PTPRO: variants seen among roughly 807,000 people sequenced by gnomAD.
The protein encoded by PTPRO is receptor-type tyrosine-protein phosphatase O.
A neutral mutation model predicts 145.2 loss-of-function variants in PTPRO; 62 were observed. That is an observed-to-expected ratio of 0.43 (90% CI 0.35 to 0.53). The LOEUF (loss-of-function observed/expected upper bound fraction) is 0.53, where lower values mean the gene tolerates loss of function less well. Ranked by LOEUF, PTPRO falls within the 20% of genes least tolerant of loss-of-function variation. PTPRO has a pLI of 0.01. For synonymous variants in PTPRO, 565 were observed against 514.7 expected (o/e 1.10, Z -1.32); for missense variants, 1,345 against 1,482.7 (o/e 0.91, Z 1.53).
chr12:15,402,009 A>C (rs941172703), intron 1 of PTPRO, among the ~76,000 whole-genome samples: 4 of 152,170 alleles, frequency 2.6e-5, no homozygotes, highest in African/African-American at 9.7e-5. Context: ...GGGATTTGGT[A>C]TTCGTTTAAC....
chr12:15,489,630 C>T (rs1370859380), intron 2 of PTPRO, among the ~76,000 whole-genome samples: 1 of 152,114 alleles, frequency 6.6e-6, no homozygotes, highest in Non-Finnish European at 1.5e-5. Flanking sequence ...AGAGGTCAGT[C>T]TCATAGCCAT....
intron 7 of PTPRO, 45 bp downstream of exon 7, chr12:15,508,812 C>T (rs772807443): frequency 1.9e-5 from 30 of 1,582,882 alleles, no homozygotes; most frequent in Non-Finnish European, 2.5e-5. Flanking sequence ...CCTTCCTAAG[C>T]ACAACCTTAC....
Position 15,484,239 on chromosome 12 carries a change from T to C in PTPRO, c.341T>C (p.Val114Ala). Reference sequence around the variant, plus strand: ...ACCAAGCCATCCAGATCAATCACTGTGTTAACAAGTAAGCATCATGTGTAA... The same window carrying C: ...ACCAAGCCATCCAGATCAATCACTGCGTTAACAAGTAAGCATCATGTGTAA... ...VVTKPSRSIT[V>A]LTKPLPVTSV... Residue 114 changes from valine to alanine, a missense_variant, in exon 2 of 27, where the codon GTG (valine) becomes GCG (alanine). By Grantham distance (64) the Val-to-Ala change is moderately conservative (BLOSUM62 0). Transcript: ENST00000281171. 6.2e-7 allele frequency: 1 copy of C among 1,613,426 alleles called. No homozygotes were observed. Among genetic ancestry groups the C allele is most frequent in the African/African-American group, 1.3e-5 (1 of 75,030 alleles).
intron 1 of PTPRO, among the ~76,000 whole-genome samples, chr12:15,336,835 C>G (rs932989130): frequency 2.6e-5 from 4 of 152,124 alleles, no homozygotes; most frequent in African/African-American, 9.7e-5. Flanking sequence ...CCTCTTTGAT[C>G]CACATAGTCT....
At chr12:15,340,514 C>T (rs1866941471) in intron 1 of PTPRO, among the ~76,000 whole-genome samples, 1 of 152,044 alleles carries the variant, frequency 6.6e-6, no homozygotes. Context: ...CACATGTTCC[C>T]AGAAAAAAGT....
chr12:15,439,188 A>G lies in PTPRO; in HGVS notation c.76-44786A>G, dbSNP rs1940686467. ...TATCTCAACAAAGGTTTATAAGTGA[A>G]AGATAAATAAAATATTTTCCAGACA... On this transcript the variant is annotated intron_variant, in intron 1 of 26. Coordinates refer to ENST00000281171, the MANE Select transcript of PTPRO (RefSeq NM_030667.3). Among the ~76,000 whole-genome samples the G allele has an allele frequency of 3.9e-5, 6 of 152,336 alleles. No homozygotes were observed. In the South Asian group the frequency reaches 1.2e-3, roughly 32 times the overall value.
rs757173494 is a variant in PTPRO, at chr12:15,551,617, G to T, written c.2504G>T (p.Gly835Val). 3 of 1,613,670 alleles carry T rather than the reference G, an allele frequency of 1.9e-6. No homozygotes were observed. Among genetic ancestry groups the T allele is most frequent in the Non-Finnish European group, 1.7e-6 (2 of 1,179,740 alleles). The change falls in exon 15 of 27, where the codon GGA (glycine) becomes GTA (valine). Residue 835 changes from glycine (G) to valine (V), a missense_variant. Around this residue, in one of 3 missense-constraint regions of PTPRO, gnomAD observed 1,130 missense variants for 1,214.7 expected, o/e 0.93. Transcript: ENST00000281171. ...VLAILSTLLI[G>V]LLLVTLIILR... Reference sequence around the variant, plus strand: ...GCCATCCTTAGCACACTTTTAATTGGACTGTTGCTTGTTACCCTCATTATT... The same window carrying T: ...GCCATCCTTAGCACACTTTTAATTGTACTGTTGCTTGTTACCCTCATTATT...
chr12:15,334,530 T>G (rs930118873), intron 1 of PTPRO, among the ~76,000 whole-genome samples: 4 of 152,202 alleles, frequency 2.6e-5, no homozygotes, highest in African/African-American at 9.6e-5. Context: ...TAATTCAGTA[T>G]TTCTCTGGTA....
intron 12 of PTPRO, 55 bp downstream of exon 12, chr12:15,526,317 C>T (rs1353477744): frequency 4.4e-6 from 7 of 1,602,498 alleles, no homozygotes; most frequent in East Asian, 4.5e-5. Context: ...TTGCATCATT[C>T]GATTCAGCAA....
chr12:15,322,753 C>A lies in PTPRO; in HGVS notation c.27C>A (p.His9Gln). 1 of 1,611,918 alleles carries A rather than the reference C, an allele frequency of 6.2e-7. No individual in the cohort carries two copies. Among genetic ancestry groups the A allele is most frequent in the Non-Finnish European group, 8.5e-7 (1 of 1,179,380 alleles). The part of the protein sequence containing the change: MGHLPTGI[H>Q]GARRLLPLLW... ...TGGGGCACCTGCCCACGGGGATACA[C>A]GGCGCCCGCCGCCTCCTGCCTCTGC... The change falls in exon 1 of 27, where the codon CAC (histidine) becomes CAA (glutamine). Residue 9 changes from histidine (H) to glutamine (Q), a missense_variant. His to Gln is a conservative substitution (Grantham distance 24, BLOSUM62 0). Transcript: ENST00000281171. The surrounding 1 kb of genome is among the most constrained non-coding windows in gnomAD (Gnocchi z 6.3).
chr12:15,450,152 A>G (rs961671129), intron 1 of PTPRO, among the ~76,000 whole-genome samples: 1 of 152,184 alleles, frequency 6.6e-6, no homozygotes, highest in Non-Finnish European at 1.5e-5. Context: ...TTTTAACTTG[A>G]TATTTCCTAC....
chr12:15,516,647 G>GAGGT (rs375429209), intron 8 of PTPRO, 116 bp from the exon 9 acceptor site: 122 of 869,080 alleles, frequency 1.4e-4, no homozygotes, highest in African/African-American at 1.3e-3. Context: ...GGGAGGGAGG[G>GAGGT]AGGTAGGTAT....
intron 1 of PTPRO, among the ~76,000 whole-genome samples, chr12:15,398,650 C>T (rs532558981): frequency 2.0e-5 from 3 of 151,952 alleles, no homozygotes; most frequent in South Asian, 2.1e-4. Context: ...AATATCTGTT[C>T]GGTTTCAACA....
rs572056445 is a variant in PTPRO, at chr12:15,323,288, G to T, written c.75+487G>T. On this transcript the variant is annotated intron_variant, in intron 1 of 26. Coordinates refer to ENST00000281171, the MANE Select transcript of PTPRO (RefSeq NM_030667.3). ...GGACTGCCAGGGCTACGTTAGGGCA[G>T]AATTTTCTTTGAATAAGGAGTGTCA... is the stretch of plus-strand genomic sequence containing the variant. 2.0e-5 allele frequency among the ~76,000 whole-genome samples: 3 copies of T among 152,254 alleles called. No individual in the cohort carries two copies. The East Asian group carries it at 5.8e-4, about 29-fold the overall frequency.
chr12:15,435,398 C>A (rs1185826627), intron 1 of PTPRO, among the ~76,000 whole-genome samples: 1 of 152,024 alleles, frequency 6.6e-6, no homozygotes, highest in Non-Finnish European at 1.5e-5. Context: ...GTCATAAAAT[C>A]TCTGCTTGAC....
chr12:15,516,973 CAACT>C lies in PTPRO; in HGVS notation c.1779+18_1779+21del. The C allele has an allele frequency of 6.3e-7, 1 of 1,598,788 alleles. No individual in the cohort carries two copies. Among genetic ancestry groups the C allele is most frequent in the East Asian group, 2.2e-5 (1 of 44,804 alleles). ...GCATCCGTGGTAATCTTCCCTTAACCAACTGTCAGTCTTTCCTATGGGAACAGGC... is the reference window on the plus strand; with the variant it reads ...GCATCCGTGGTAATCTTCCCTTAACCGTCAGTCTTTCCTATGGGAACAGGC... On this transcript the variant is annotated intron_variant, in intron 9 of 26. Transcript: ENST00000281171.
In PTPRO at chr12:15,519,474, G is replaced by C. The variant is rs113430966; in HGVS notation, c.1780-727G>C. ...AAGAGATAATTGTGTGAAGCTAGCT[G>C]TCAACTCTAATTGAATGTATTTGTT... On this transcript the variant is annotated intron_variant, in intron 9 of 26. Transcript: ENST00000281171. 2.0e-5 allele frequency among the ~76,000 whole-genome samples: 3 copies of C among 152,342 alleles called. 1 individual carries two copies. The highest frequency in any genetic ancestry group is 7.2e-5 in the African/African-American group (3 of 41,580).
At chr12:15,395,585 T>C (rs1251897150) in intron 1 of PTPRO, among the ~76,000 whole-genome samples, 2 of 152,206 alleles carry the variant, frequency 1.3e-5, no homozygotes, top group African/African-American at 4.8e-5. Context: ...GCTGTTTTCA[T>C]GTCCTATATC....
At chr12:15,422,358 A>G (rs1940170026) in intron 1 of PTPRO, among the ~76,000 whole-genome samples, 1 of 152,182 alleles carries the variant, frequency 6.6e-6, no homozygotes, top group Admixed American at 6.5e-5. Context: ...ATAAATATTA[A>G]AATGATGGCT....
Sources: gnomAD v4.1 joint callset for allele counts (sites outside exome capture counted in the v4.1 genomes callset) on GRCh38, gnomAD v4.1.1 for gene constraint, gnomAD v4.1.1 regional missense constraint, Gnocchi (gnomAD v3.1) non-coding constraint, MANE v1.5 for transcripts, NCBI Gene and HGNC (gene_info 2026-07-23, HGNC 2026-07-21) for gene names.